Variants in SLC28A3 observed in about 807,000 individuals in gnomAD.
The protein encoded by SLC28A3 is solute carrier family 28 member 3.
A neutral mutation model predicts 84.2 loss-of-function variants in SLC28A3; 68 were observed. That is an observed-to-expected ratio of 0.81 (90% CI 0.66 to 0.99). The LOEUF (loss-of-function observed/expected upper bound fraction) is 0.99, where lower values mean the gene tolerates loss of function less well. Ranked by LOEUF, SLC28A3 falls within the 50% of genes least tolerant of loss-of-function variation. The pLI is 0.00. For synonymous variants in SLC28A3, 267 were observed against 303.6 expected, an observed-to-expected ratio of 0.88 and a Z score of 1.25; for missense variants, 712 against 841.5, an observed-to-expected ratio of 0.85 and a Z score of 1.90.
the SLC28A3 span, among the ~76,000 whole-genome samples, chr9:84,361,234 A>C: frequency 0.16 from 24,478 of 151,784 alleles, 2,083 homozygotes; most frequent in African/African-American, 0.22. Flanking sequence ...AATCCCAGTT[A>C]CTCGGGAGGC....
intron 1 of SLC28A3, among the ~76,000 whole-genome samples, chr9:84,317,941 C>T (rs1179794548): frequency 6.6e-6 from 1 of 152,072 alleles, no homozygotes; most frequent in African/African-American, 2.4e-5. Context: ...GGGATCATAC[C>T]CCACTTCAAC....
chr9:84,346,096 C>T, the SLC28A3 span, among the ~76,000 whole-genome samples: 2 of 152,164 alleles, frequency 1.3e-5, no homozygotes, highest in Non-Finnish European at 2.9e-5. Flanking sequence ...ATTTTCATTG[C>T]GTTGTCACTC....
chr9:84,313,376 G>C lies in SLC28A3; in HGVS notation c.139C>G (p.His47Asp). 6.2e-7 allele frequency: 1 copy of C among 1,614,038 alleles called. No individual in the cohort carries two copies. Among genetic ancestry groups the C allele is most frequent in the Non-Finnish European group, 8.5e-7 (1 of 1,179,968 alleles). ...IRSRAVQSRE[H>D]TNTKQDEEQV... ...TGCTGTACCTGTTTGGTGTTTGTGT[G>C]CTCCCTGCTTTGCACAGCTCTGCTT... Residue 47 changes from histidine (H) to aspartate (D), a missense_variant, in exon 2 of 18, where the codon CAC becomes GAC. His to Asp is a moderately conservative substitution (Grantham distance 81, BLOSUM62 -1). Coordinates refer to ENST00000376238, the MANE Select transcript of SLC28A3 (RefSeq NM_001199633.2).
At chr9:84,350,462 A>G in the SLC28A3 span, among the ~76,000 whole-genome samples, 3 of 151,892 alleles carry the variant, frequency 2.0e-5, no homozygotes, top group Admixed American at 2.0e-4. Context: ...AAATAAATAA[A>G]TAAATAGGTA....
At chr9:84,357,895 G>C in the SLC28A3 span, among the ~76,000 whole-genome samples, 9 of 152,116 alleles carry the variant, frequency 5.9e-5, no homozygotes, top group Non-Finnish European at 1.2e-4. Flanking sequence ...GGAACAAAAG[G>C]CAGGTCTAGA....
intron 3 of SLC28A3, among the ~76,000 whole-genome samples, chr9:84,309,247 G>A (rs1445311229): frequency 3.9e-5 from 6 of 152,028 alleles, no homozygotes. Context: ...GGGAGGCCTG[G>A]TGCCATGGCT....
chr9:84,351,692 A>T, the SLC28A3 span, among the ~76,000 whole-genome samples: 165 of 139,874 alleles, frequency 1.2e-3, no homozygotes, highest in African/African-American at 3.6e-3. Context: ...AAATTAAATT[A>T]AAAAAAAAAA....
chr9:84,311,928 C>T (rs1207728392), intron 2 of SLC28A3, among the ~76,000 whole-genome samples: 3 of 152,206 alleles, frequency 2.0e-5, no homozygotes, highest in Non-Finnish European at 4.4e-5. Flanking sequence ...TATTTACTGT[C>T]TCCATAGTTT....
chr9:84,299,794 ATTTTTTTT>A (rs200253055), intron 5 of SLC28A3, 69 bp from the exon 6 acceptor site: 17 of 1,244,658 alleles, frequency 1.4e-5, no homozygotes, highest in Non-Finnish European at 1.8e-5. Flanking sequence ...ATCAGGCTTA[ATTTTTTTT>A]TTTTTTGAGA....
chr9:84,320,038 C>T (rs1290912722), intron 1 of SLC28A3, among the ~76,000 whole-genome samples: 2 of 85,628 alleles, frequency 2.3e-5, no homozygotes, highest in African/African-American at 8.5e-5. Context: ...CTGGCTTGCA[C>T]TGTTTTTTTT....
At chr9:84,367,653 G>A in the SLC28A3 span, among the ~76,000 whole-genome samples, 9 of 152,298 alleles carry the variant, frequency 5.9e-5, no homozygotes, top group Admixed American at 5.2e-4. Flanking sequence ...ATCTCGGCAA[G>A]GGGAGTGTGG....
Position 84,286,091 on chromosome 9 carries a change from T to C in SLC28A3, c.1301A>G (p.Glu434Gly). The C allele has an allele frequency of 6.2e-7, 1 of 1,613,660 alleles. No homozygotes were observed. Among genetic ancestry groups the C allele is most frequent in the South Asian group, 1.1e-5 (1 of 90,970 alleles). Residue 434 changes from glutamate (E) to glycine (G), a missense_variant, in exon 13 of 18, where the codon GAA (glutamate) becomes GGA (glycine). Physicochemically the swap from Glu to Gly is moderately conservative, Grantham distance 98. Transcript: ENST00000376238. ...MESGDSGNLLEAATQGASSSI... is the reference protein window; with the variant it reads ...MESGDSGNLLGAATQGASSSI... ...GGAGGATGCTCCCTGTGTTGCAGCT[T>C]CTAGAAGATTCCCTGAATCACTTTA...
At position 84,279,998 on chromosome 9, in the gene SLC28A3, C is replaced by G; in HGVS notation, c.1805G>C (p.Cys602Ser). The change falls in exon 16 of 18, where the codon TGC (cysteine) becomes TCC (serine). Residue 602 changes from cysteine (C) to serine (S), a missense_variant. Physicochemically the swap from Cys to Ser is moderately radical, Grantham distance 112. Coordinates refer to ENST00000376238, the MANE Select transcript of SLC28A3 (RefSeq NM_001199633.2). ...VRALIAGTVA[C>S]FMTACIAGIL... is the part of the protein sequence containing the mutation. ...ACCTGCGATGCAGGCTGTCATGAAG[C>G]AGGCCACGGTCCCCGCAATCAGAGC... The G allele has an allele frequency of 6.2e-7, 1 of 1,613,998 alleles. No homozygotes were observed. The highest frequency in any genetic ancestry group is 1.3e-5 in the African/African-American group (1 of 75,052).
intron 12 of SLC28A3, 67 bp from the exon 13 acceptor site, chr9:84,286,178 G>T (rs1564147011): frequency 1.3e-6 from 2 of 1,484,880 alleles, no homozygotes; most frequent in Non-Finnish European, 1.8e-6. Flanking sequence ...CATTGGTGCA[G>T]AAGTAGCATA....
chr9:84,331,340 G>A (rs1274707440), intron 1 of SLC28A3, among the ~76,000 whole-genome samples: 2 of 152,084 alleles, frequency 1.3e-5, no homozygotes, highest in African/African-American at 4.8e-5. Context: ...CCAGGCTAGT[G>A]GGTTAAGGAG....
upstream of SLC28A3, among the ~76,000 whole-genome samples, chr9:84,345,715 A>G (rs11140535): frequency 9.6e-3 from 1,457 of 152,298 alleles, 10 homozygotes; most frequent in East Asian, 0.031. Flanking sequence ...AATTAGAGTA[A>G]ATTGTATATA....
At chr9:84,316,096 AC>A (rs1203380772) in intron 1 of SLC28A3, among the ~76,000 whole-genome samples, 1 of 152,202 alleles carries the variant, frequency 6.6e-6, no homozygotes, top group African/African-American at 2.4e-5. Flanking sequence ...AACCAGGAGT[AC>A]ATTGTGCCTG....
rs11568410 is a variant in SLC28A3, at chr9:84,288,290, C to A, written c.1150-112G>T. ...AAACAGGGCAGGGGTTGTTTCTATT[C>A]CAGAAGACAATGTTTCTTTGGAGGT... On this transcript the variant is annotated intron_variant, in intron 11 of 17. Transcript: ENST00000376238. 2.3e-3 allele frequency: 3,407 copies of A among 1,461,680 alleles called. 73 individuals are homozygous for A. The African/African-American group carries it at 0.043, about 19-fold the overall frequency. The allele number at this position is 1,461,680 out of a possible 1,614,324, so 90.5% of individuals were successfully genotyped here.
At chr9:84,313,550 C>T (rs746150490) in intron 1 of SLC28A3, 96 bp from the exon 2 acceptor site, 7 of 952,322 alleles carry the variant, frequency 7.4e-6, no homozygotes, top group Non-Finnish European at 1.1e-5. Context: ...GAGGATGAGA[C>T]AAACAAAGAT....
Sources: allele counts gnomAD v4.1 joint callset (sites outside exome capture counted in the v4.1 genomes callset), GRCh38; gene constraint gnomAD v4.1.1; transcripts MANE v1.5; gene names NCBI Gene and HGNC (gene_info 2026-07-23, HGNC 2026-07-21).